PSD3: variants seen among roughly 807,000 people sequenced by gnomAD.
PSD3 encodes the protein PH and SEC7 domain-containing protein 3.
In PSD3, 49 loss-of-function variants were observed where a neutral mutation model predicts 105.5. The observed-to-expected ratio is 0.46, with a 90% confidence interval of 0.37 to 0.59. The LOEUF (loss-of-function observed/expected upper bound fraction) is 0.59. PSD3 is among the 20% of genes least tolerant of loss of function. The probability of loss-of-function intolerance (pLI) is 0.00; values close to 1 mark genes in which losing one functional copy is unlikely to be tolerated. For missense variants in PSD3, 1,561 were observed against 1,263.8 expected (o/e 1.24, Z -3.57); for synonymous variants, 557 against 457.8 (o/e 1.22, Z -2.77).
At chr8:19,005,589 A>G (rs1328288022) in intron 1 of PSD3, among the ~76,000 whole-genome samples, 1 of 151,928 alleles carries the variant, frequency 6.6e-6, no homozygotes, top group Non-Finnish European at 1.5e-5. Context: ...GGCTCAAGCA[A>G]TCCTCCTGCC....
intron 11 of PSD3, among the ~76,000 whole-genome samples, chr8:18,616,440 G>C (rs10088721): frequency 0.32 from 48,640 of 151,732 alleles, 8,046 homozygotes; most frequent in Middle Eastern, 0.45. Flanking sequence ...GGCATTCTCC[G>C]AGGCCTTCCC....
intron 1 of PSD3, among the ~76,000 whole-genome samples, chr8:19,065,216 A>G (rs1829036940): frequency 6.6e-6 from 1 of 152,152 alleles, no homozygotes; most frequent in Non-Finnish European, 1.5e-5. Flanking sequence ...AAAAACACAA[A>G]TTAGGTTTTT....
At chr8:18,982,106 C>G (rs1319676855) in intron 1 of PSD3, among the ~76,000 whole-genome samples, 4 of 152,184 alleles carry the variant, frequency 2.6e-5, no homozygotes, top group African/African-American at 7.2e-5. Flanking sequence ...TATTCTAAAT[C>G]CTTTGTTATC....
At chr8:18,645,384 A>C (rs1807955408) in intron 10 of PSD3, among the ~76,000 whole-genome samples, 2 of 152,352 alleles carry the variant, frequency 1.3e-5, no homozygotes, top group South Asian at 4.1e-4. Context: ...AGCTAACAAA[A>C]TTAAGTGGTC....
chr8:18,641,137 G>C (rs946967157), intron 10 of PSD3, among the ~76,000 whole-genome samples: 3 of 152,182 alleles, frequency 2.0e-5, no homozygotes, highest in Non-Finnish European at 4.4e-5. Context: ...ATTACAGAAG[G>C]GTAGGGGTTA....
At chr8:19,035,746 T>G (rs1827919689) in intron 1 of PSD3, among the ~76,000 whole-genome samples, 1 of 148,400 alleles carries the variant, frequency 6.7e-6, no homozygotes, top group Non-Finnish European at 1.5e-5. Context: ...TGAAAACAGG[T>G]ATACTTTTTT....
chr8:18,813,744 G>T (rs188507504), intron 4 of PSD3, among the ~76,000 whole-genome samples: 225 of 152,220 alleles, frequency 1.5e-3, no homozygotes, highest in Middle Eastern at 6.8e-3. Flanking sequence ...GGTAGGTAAG[G>T]TCATCATTGT....
At chr8:18,843,887 C>T (rs1236270682) in intron 4 of PSD3, among the ~76,000 whole-genome samples, 2 of 149,838 alleles carry the variant, frequency 1.3e-5, no homozygotes, top group Non-Finnish European at 3.0e-5. Flanking sequence ...GGAAGTAGGT[C>T]TTCTATAACC....
chr8:18,571,990 T>C (rs374165690), intron 14 of PSD3, among the ~76,000 whole-genome samples: 1 of 152,214 alleles, frequency 6.6e-6, no homozygotes, highest in Non-Finnish European at 1.5e-5. Context: ...AGGAGGCTTA[T>C]GTAAATACAC....
chr8:18,750,948 C>G (rs888434017), intron 9 of PSD3, among the ~76,000 whole-genome samples: 3 of 152,166 alleles, frequency 2.0e-5, no homozygotes, highest in Non-Finnish European at 4.4e-5. Context: ...CTCTCCACCT[C>G]CCCACCAGAC....
chr8:19,039,026 T>C (rs1163353903), intron 1 of PSD3, among the ~76,000 whole-genome samples: 1 of 152,102 alleles, frequency 6.6e-6, no homozygotes, highest in Non-Finnish European at 1.5e-5. Flanking sequence ...AGCCCCCTCA[T>C]CTTCATTATC....
intron 4 of PSD3, among the ~76,000 whole-genome samples, chr8:18,843,502 T>C (rs1814825430): frequency 6.6e-6 from 1 of 152,104 alleles, no homozygotes; most frequent in Non-Finnish European, 1.5e-5. Context: ...GGAAAACCCC[T>C]CCTCCATGGA....
intron 9 of PSD3, among the ~76,000 whole-genome samples, chr8:18,699,529 G>C (rs929526022): frequency 1.3e-5 from 2 of 152,076 alleles, no homozygotes; most frequent in Non-Finnish European, 2.9e-5. Flanking sequence ...GTGAAAACTG[G>C]GGACTTATAT....
chr8:19,038,720 C>T (rs6983676), intron 1 of PSD3, among the ~76,000 whole-genome samples: 16,714 of 152,076 alleles, frequency 0.11, 996 homozygotes, highest in African/African-American at 0.16. Flanking sequence ...TTTTGACCTC[C>T]GAAGGTGCTG....
At chr8:18,710,850 T>C (rs1802208753) in intron 9 of PSD3, among the ~76,000 whole-genome samples, 1 of 152,028 alleles carries the variant, frequency 6.6e-6, no homozygotes, top group Non-Finnish European at 1.5e-5. Flanking sequence ...CCTAGCTAAT[T>C]TTTGTATTTT....
In PSD3 at chr8:18,814,670, T is replaced by A. The variant is rs535658312; in HGVS notation, c.1635-9772A>T. 1.7e-4 allele frequency among the ~76,000 whole-genome samples: 26 copies of A among 152,218 alleles called. 1 individual carries two copies. Among genetic ancestry groups the A allele is most frequent in the Non-Finnish European group, 3.2e-4 (22 of 68,042 alleles). On this transcript the variant is annotated intron_variant, in intron 4 of 15. Coordinates refer to ENST00000327040, the MANE Select transcript of PSD3 (RefSeq NM_015310.4). ...CTTTAGAAATAGAAATACATTTAGA[T>A]GCAAACAAATGTATATGCTCATTGT... is the stretch of plus-strand genomic sequence containing the variant.
At chr8:18,592,615 T>C (rs1265907122) in intron 12 of PSD3, among the ~76,000 whole-genome samples, 2 of 152,112 alleles carry the variant, frequency 1.3e-5, no homozygotes, top group Non-Finnish European at 2.9e-5. Flanking sequence ...AGAAAAGTGA[T>C]TGGTCTGTGT....
At chr8:18,822,410 G>A (rs1183964498) in intron 4 of PSD3, among the ~76,000 whole-genome samples, 1 of 152,136 alleles carries the variant, frequency 6.6e-6, no homozygotes, top group East Asian at 1.9e-4. Context: ...ATCCCCGGGA[G>A]TGTGTTCCAA....
At chr8:19,053,722 C>T (rs1349379377) in intron 1 of PSD3, among the ~76,000 whole-genome samples, 2 of 150,866 alleles carry the variant, frequency 1.3e-5, no homozygotes, top group African/African-American at 2.4e-5. Flanking sequence ...GAGACTTCGT[C>T]TCAAGAAAAA....
Sources: allele counts gnomAD v4.1 joint callset (sites outside exome capture counted in the v4.1 genomes callset), GRCh38; gene constraint gnomAD v4.1.1; transcripts MANE v1.5; gene names NCBI Gene and HGNC (gene_info 2026-07-23, HGNC 2026-07-21).